Variants in SYT1 observed in about 807,000 individuals in gnomAD.
The protein encoded by SYT1 is synaptotagmin-1.
Under a neutral mutation model 44.8 loss-of-function variants are expected in SYT1, and 8 were observed. That is an observed-to-expected ratio of 0.18 (90% CI 0.10 to 0.32). SYT1 has a LOEUF of 0.32. SYT1 is among the 10% of genes least tolerant of loss of function. The pLI, the probability that SYT1 is intolerant of heterozygous loss-of-function variation, is 1.00. For missense variants in SYT1, 286 were observed against 509.3 expected (o/e 0.56, Z 4.22); for synonymous variants, 154 against 188.8 (o/e 0.82, Z 1.51).
chr12:79,270,007 T>C (rs1351979366), intron 4 of SYT1, among the ~76,000 whole-genome samples: 1 of 152,198 alleles, frequency 6.6e-6, no homozygotes, highest in Non-Finnish European at 1.5e-5. Context: ...ATGAGTGTAT[T>C]AATGCACATA....
intron 4 of SYT1, among the ~76,000 whole-genome samples, chr12:79,247,072 AT>A (rs1375354258): frequency 6.6e-6 from 1 of 152,210 alleles, no homozygotes; most frequent in Non-Finnish European, 1.5e-5. Flanking sequence ...TAATCTAGAA[AT>A]TTTAAATTTG....
At position 78,876,201 on chromosome 12, in the gene SYT1, C is replaced by T. The variant is rs539935581; in HGVS notation, c.-217+11092C>T. On this transcript the variant is annotated intron_variant, in intron 1 of 10. Transcript: ENST00000261205. ...ACAACACAGTTCTTGTAGCATTAAC[C>T]GGAAATTATTTTTCCTCTATCTAGT... Among the ~76,000 whole-genome samples, 10 of 151,526 alleles carry T rather than the reference C, an allele frequency of 6.6e-5. No homozygotes were observed. The East Asian group carries it at 7.8e-4, about 12-fold the overall frequency.
At chr12:79,241,753 C>G (rs915044565) in intron 4 of SYT1, among the ~76,000 whole-genome samples, 1 of 152,194 alleles carries the variant, frequency 6.6e-6, no homozygotes, top group Admixed American at 6.5e-5. Context: ...GTGCCCCATA[C>G]TGTATGTTCA....
intron 8 of SYT1, among the ~76,000 whole-genome samples, chr12:79,339,562 G>A (rs1321964877): frequency 6.6e-6 from 1 of 152,154 alleles, no homozygotes; most frequent in African/African-American, 2.4e-5. Flanking sequence ...GTAGATTCTG[G>A]AAATTAGCCC....
At chr12:79,353,904 A>C (rs1883010081) in intron 9 of SYT1, among the ~76,000 whole-genome samples, 1 of 152,156 alleles carries the variant, frequency 6.6e-6, no homozygotes, top group South Asian at 2.1e-4. Context: ...TTCTTTTCTG[A>C]AAGAGAGTGT....
chr12:79,009,206 G>GA (rs1394300861), intron 2 of SYT1, among the ~76,000 whole-genome samples: 17 of 152,068 alleles, frequency 1.1e-4, no homozygotes, highest in African/African-American at 4.1e-4. Flanking sequence ...CTTTCTATGA[G>GA]AAAAAAGTCT....
chr12:78,891,880 T>G (rs1303274423), intron 1 of SYT1, among the ~76,000 whole-genome samples: 1 of 151,884 alleles, frequency 6.6e-6, no homozygotes, highest in Admixed American at 6.6e-5. Flanking sequence ...TAGTGTCTTC[T>G]TAGATCCACA....
chr12:78,966,888 C>T (rs1052429100), intron 1 of SYT1, among the ~76,000 whole-genome samples: 5 of 152,122 alleles, frequency 3.3e-5, no homozygotes, highest in Admixed American at 2.6e-4. Context: ...TCAATATATG[C>T]TGCTAAACTC....
chr12:79,132,329 G>T (rs745459375), intron 3 of SYT1, among the ~76,000 whole-genome samples: 1 of 151,530 alleles, frequency 6.6e-6, no homozygotes, highest in African/African-American at 2.4e-5. Context: ...CGTGCCTGTC[G>T]TCCCAGCTAC....
Position 79,321,011 on chromosome 12 carries a change from C to G in SYT1, c.810+21460C>G, listed in dbSNP as rs542956291. ...TACCTGCTGGCTTGTGCTCCCTCTT[C>G]AGAACTTTCCTAATTTTGTGATTCT... On this transcript the variant is annotated intron_variant, in intron 8 of 10. Transcript: ENST00000261205. Among the ~76,000 whole-genome samples the G allele has an allele frequency of 7.9e-5, 12 of 152,278 alleles. 1 individual carries two copies. In the South Asian group the frequency reaches 2.3e-3, roughly 29 times the overall value.
intron 3 of SYT1, among the ~76,000 whole-genome samples, chr12:79,088,369 A>G (rs1877526344): frequency 6.6e-6 from 1 of 152,124 alleles, no homozygotes; most frequent in Non-Finnish European, 1.5e-5. Flanking sequence ...TTAACAGGAA[A>G]CAGGCATACA....
chr12:79,385,167 G>C (rs1046616517), intron 9 of SYT1, among the ~76,000 whole-genome samples: 1 of 151,466 alleles, frequency 6.6e-6, no homozygotes, highest in Non-Finnish European at 1.5e-5. Context: ...TTGTGTTTTT[G>C]GTAGAGACAG....
At chr12:79,394,241 G>C (rs967786746) in intron 9 of SYT1, among the ~76,000 whole-genome samples, 1 of 152,136 alleles carries the variant, frequency 6.6e-6, no homozygotes, top group African/African-American at 2.4e-5. Context: ...GTATGTAGCC[G>C]GGTATTAACT....
chr12:79,205,065 C>T (rs1330828392), intron 3 of SYT1, among the ~76,000 whole-genome samples: 6 of 150,120 alleles, frequency 4.0e-5, no homozygotes, highest in South Asian at 2.1e-4. Context: ...CCCGAGTTCA[C>T]GCCATTCTCC....
At chr12:78,911,127 T>C (rs967809912) in intron 1 of SYT1, among the ~76,000 whole-genome samples, 1 of 152,016 alleles carries the variant, frequency 6.6e-6, no homozygotes, top group African/African-American at 2.4e-5. Flanking sequence ...TAGGTGAAAG[T>C]AGCACTAAGG....
intron 2 of SYT1, among the ~76,000 whole-genome samples, chr12:79,016,470 T>C (rs1175543452): frequency 6.6e-6 from 1 of 152,150 alleles, no homozygotes; most frequent in African/African-American, 2.4e-5. Context: ...TGCATTGTTA[T>C]TTATAAATTG....
At chr12:79,222,484 C>T (rs960789645) in intron 4 of SYT1, among the ~76,000 whole-genome samples, 3 of 151,860 alleles carry the variant, frequency 2.0e-5, no homozygotes, top group Non-Finnish European at 4.4e-5. Context: ...CAGGTTCAAG[C>T]AATTCTCCTG....
intron 4 of SYT1, among the ~76,000 whole-genome samples, chr12:79,265,293 T>C (rs1878063359): frequency 6.6e-6 from 1 of 152,196 alleles, no homozygotes; most frequent in Non-Finnish European, 1.5e-5. Context: ...TTTAACTAAC[T>C]TGATCAAATT....
At chr12:78,900,879 A>C (rs548138933) in intron 1 of SYT1, among the ~76,000 whole-genome samples, 1 of 152,164 alleles carries the variant, frequency 6.6e-6, no homozygotes, top group Non-Finnish European at 1.5e-5. Context: ...AATACCATCA[A>C]AATGCATGTA....
Sources: allele counts gnomAD v4.1 joint callset (sites outside exome capture counted in the v4.1 genomes callset), GRCh38; gene constraint gnomAD v4.1.1; transcripts MANE v1.5; gene names NCBI Gene and HGNC (gene_info 2026-07-23, HGNC 2026-07-21).